The following CBLB variants were observed in gnomAD, a reference collection of about 807,000 sequenced individuals.
CBLB encodes Cbl proto-oncogene B.
CBLB carries 31 observed loss-of-function variants against 104.9 expected under a neutral mutation model. That is an observed-to-expected ratio of 0.30 (90% CI 0.22 to 0.40). The LOEUF is 0.40. Among genes scored for constraint, CBLB ranks in the 10% least tolerant of loss-of-function variants. The pLI is 1.00. For synonymous variants in CBLB, 440 were observed against 422.6 expected (o/e 1.04, Z -0.51); for missense variants, 1,062 against 1,214.6 (o/e 0.87, Z 1.87).
chr3:105,740,415 A>G, intron 7 of CBLB, 79 bp downstream of exon 7: 1 of 1,474,538 alleles, frequency 6.8e-7, no homozygotes, highest in Non-Finnish European at 9.5e-7. Context: ...CTTGCTATCC[A>G]TTTTCGCCAT....
At chr3:105,789,593 T>C (rs909154200) in intron 3 of CBLB, among the ~76,000 whole-genome samples, 6 of 152,118 alleles carry the variant, frequency 3.9e-5, no homozygotes, top group East Asian at 1.9e-4. Context: ...CTACTGACAA[T>C]AGACTTAATT....
At chr3:105,811,615 A>C (rs2084307929) in intron 3 of CBLB, among the ~76,000 whole-genome samples, 1 of 152,360 alleles carries the variant, frequency 6.6e-6, no homozygotes, top group Middle Eastern at 3.4e-3. Context: ...GTAAAGTTTC[A>C]AAATAAAAAG....
At chr3:105,745,776 A>G in intron 6 of CBLB, 141 bp downstream of exon 6, 1 of 715,182 alleles carries the variant, frequency 1.4e-6, no homozygotes, top group Non-Finnish European at 2.5e-6. Flanking sequence ...TATGTTAAGA[A>G]GCACCATTTT....
chr3:105,742,640 G>A (rs2075724062), intron 6 of CBLB, among the ~76,000 whole-genome samples: 1 of 151,620 alleles, frequency 6.6e-6, no homozygotes, highest in East Asian at 1.9e-4. Context: ...TAATTCAGAA[G>A]GACATTATTA....
intron 9 of CBLB, among the ~76,000 whole-genome samples, chr3:105,722,540 C>T (rs535375176): frequency 2.0e-5 from 3 of 152,114 alleles, no homozygotes; most frequent in Non-Finnish European, 4.4e-5. Context: ...AGTATCATAA[C>T]TAAAAACCAA....
At chr3:105,719,420 T>C (rs2072428688) in intron 10 of CBLB, among the ~76,000 whole-genome samples, 1 of 152,230 alleles carries the variant, frequency 6.6e-6, no homozygotes, top group Admixed American at 6.5e-5. Flanking sequence ...ATTATAGTAG[T>C]TGTGCCCTGC....
Position 105,786,961 on chromosome 3 carries a change from A to G in CBLB, c.420-10419T>C, listed in dbSNP as rs570878471. 2.8e-3 allele frequency among the ~76,000 whole-genome samples: 422 copies of G among 152,330 alleles called. 6 individuals are homozygous for G. Among genetic ancestry groups the G allele is most frequent in the African/African-American group, 8.7e-3 (362 of 41,580 alleles). On this transcript the variant is annotated intron_variant, in intron 3 of 18. Coordinates refer to ENST00000394030, the MANE Select transcript of CBLB (RefSeq NM_170662.5). ...TATATGATATGTCTTAATATGCATG[A>G]TAACAGTTCAAGAGAACACTAATTT...
chr3:105,796,170 A>G (rs2082238206), intron 3 of CBLB, among the ~76,000 whole-genome samples: 3 of 152,258 alleles, frequency 2.0e-5, no homozygotes, highest in African/African-American at 7.2e-5. Context: ...AGCTAGAGAC[A>G]TCACAATACC....
chr3:105,830,720 G>A (rs1187207977), intron 3 of CBLB, among the ~76,000 whole-genome samples: 1 of 152,276 alleles, frequency 6.6e-6, no homozygotes, highest in East Asian at 1.9e-4. Context: ...GCCATGTAAT[G>A]GAAAGCTTAT....
intron 18 of CBLB, among the ~76,000 whole-genome samples, chr3:105,660,695 T>A (rs1339192450): frequency 1.3e-5 from 2 of 152,130 alleles, no homozygotes; most frequent in African/African-American, 4.8e-5. Flanking sequence ...GTCTCCCCAC[T>A]CCTGCTGCCT....
At chr3:105,699,251 AAC>A (rs1258172948) in intron 12 of CBLB, among the ~76,000 whole-genome samples, 1 of 152,196 alleles carries the variant, frequency 6.6e-6, no homozygotes, top group African/African-American at 2.4e-5. Flanking sequence ...CGGTTTAAAA[AAC>A]AGACAACTAT....
chr3:105,772,738 A>G (rs2079006351), intron 4 of CBLB, among the ~76,000 whole-genome samples: 1 of 152,186 alleles, frequency 6.6e-6, no homozygotes, highest in African/African-American at 2.4e-5. Context: ...AAAGACATAT[A>G]CAAACAGCCA....
chr3:105,671,569 G>A (rs1438412923), intron 17 of CBLB: 4 of 209,084 alleles, frequency 1.9e-5, no homozygotes, highest in Non-Finnish European at 2.9e-5. Flanking sequence ...AAGAAGACCC[G>A]ATTGAATTTC....
At chr3:105,810,502 T>G (rs1019820427) in intron 3 of CBLB, among the ~76,000 whole-genome samples, 1 of 152,108 alleles carries the variant, frequency 6.6e-6, no homozygotes, top group African/African-American at 2.4e-5. Flanking sequence ...TTTGCACGGG[T>G]ATAACTTAAA....
At chr3:105,773,462 G>C (rs574891534) in intron 4 of CBLB, among the ~76,000 whole-genome samples, 1 of 152,272 alleles carries the variant, frequency 6.6e-6, no homozygotes, top group East Asian at 1.9e-4. Context: ...CAGGTGACCA[G>C]TGCACTAAAA....
intron 3 of CBLB, among the ~76,000 whole-genome samples, 179 bp downstream of exon 3, chr3:105,853,232 CAAT>C (rs2091187028): frequency 1.3e-5 from 2 of 152,170 alleles, no homozygotes; most frequent in African/African-American, 4.8e-5. Flanking sequence ...GTCCACACAA[CAAT>C]GAAATTGTCT....
chr3:105,804,851 AG>A (rs2083313911), intron 3 of CBLB, among the ~76,000 whole-genome samples: 1 of 152,128 alleles, frequency 6.6e-6, no homozygotes, highest in Non-Finnish European at 1.5e-5. Flanking sequence ...ATTCCCCTAT[AG>A]TAGAACAGCC....
intron 3 of CBLB, among the ~76,000 whole-genome samples, chr3:105,786,953 T>C (rs1227524509): frequency 6.6e-6 from 1 of 152,212 alleles, no homozygotes; most frequent in Non-Finnish European, 1.5e-5. Context: ...TATGTCTTAA[T>C]ATGCATGATA....
Position 105,658,834 on chromosome 3 carries a change from G to T in CBLB, c.*136C>A. On this transcript the variant is annotated 3_prime_UTR_variant, in exon 19 of 19. Transcript: ENST00000394030. ...AAGCATCGGTCTCCTTTGAGAAGCT[G>T]CACTCCCAAGCCTCTTCTCAAGCTG... 2.2e-6 allele frequency: 2 copies of T among 890,108 alleles called. No homozygotes were observed. Among genetic ancestry groups the T allele is most frequent in the Non-Finnish European group, 3.5e-6 (2 of 566,812 alleles). 55.1% of individuals were successfully genotyped at this position (890,108 alleles called of 1,614,324 possible).
Sources: allele counts gnomAD v4.1 joint callset (sites outside exome capture counted in the v4.1 genomes callset), GRCh38; gene constraint gnomAD v4.1.1; transcripts MANE v1.5; gene names NCBI Gene and HGNC (gene_info 2026-07-23, HGNC 2026-07-21).